Variants in KCNMB2 observed in about 807,000 individuals in gnomAD.
The protein encoded by KCNMB2 is potassium calcium-activated channel subfamily M regulatory beta subunit 2, also known as calcium-activated potassium channel subunit beta-2.
KCNMB2 carries 9 observed loss-of-function variants against 24.5 expected under a neutral mutation model. That is an observed-to-expected ratio of 0.37 (90% CI 0.22 to 0.64). The LOEUF (loss-of-function observed/expected upper bound fraction) is 0.64, where lower values mean the gene tolerates loss of function less well. KCNMB2 is among the 30% of genes least tolerant of loss of function. KCNMB2 has a pLI of 0.63. For synonymous variants in KCNMB2, 109 were observed against 104.4 expected, an observed-to-expected ratio of 1.04 and a Z score of -0.27; for missense variants, 226 against 284.3, an observed-to-expected ratio of 0.79 and a Z score of 1.47.
intron 4 of KCNMB2, among the ~76,000 whole-genome samples, chr3:178,835,317 T>C (rs1715186556): frequency 1.3e-5 from 2 of 152,124 alleles, no homozygotes; most frequent in Admixed American, 1.3e-4. Flanking sequence ...ATCAAGCAGA[T>C]ACTAGAAGTT....
At chr3:178,543,275 G>A (rs1250366054) in intron 1 of KCNMB2, among the ~76,000 whole-genome samples, 1 of 152,192 alleles carries the variant, frequency 6.6e-6, no homozygotes, top group African/African-American at 2.4e-5. Flanking sequence ...CAAAGAAAAT[G>A]TCTGCCTCTC....
chr3:178,713,013 A>G (rs577641719), intron 1 of KCNMB2, among the ~76,000 whole-genome samples: 4 of 152,194 alleles, frequency 2.6e-5, no homozygotes, highest in Non-Finnish European at 5.9e-5. Context: ...CGTCTTTAGT[A>G]TTCCTCTTGC....
chr3:178,562,357 C>A (rs778017109), intron 1 of KCNMB2, among the ~76,000 whole-genome samples: 3 of 152,176 alleles, frequency 2.0e-5, no homozygotes, highest in African/African-American at 7.2e-5. Context: ...GCCAAGACTG[C>A]GTAATTAAGG....
chr3:178,629,280 T>C (rs1393077849), intron 1 of KCNMB2, among the ~76,000 whole-genome samples: 1 of 152,200 alleles, frequency 6.6e-6, no homozygotes, highest in Non-Finnish European at 1.5e-5. Context: ...TTTGATTTGT[T>C]TATTATAAAT....
intron 1 of KCNMB2, among the ~76,000 whole-genome samples, chr3:178,665,784 T>A (rs1720696574): frequency 6.6e-6 from 1 of 152,160 alleles, no homozygotes; most frequent in South Asian, 2.1e-4. Context: ...TACTCACGAA[T>A]GTGTGAACAA....
intron 1 of KCNMB2, among the ~76,000 whole-genome samples, chr3:178,733,670 G>A (rs1364510952): frequency 6.6e-6 from 1 of 151,886 alleles, no homozygotes; most frequent in Non-Finnish European, 1.5e-5. Flanking sequence ...TAGGAGGGAT[G>A]GGGTTTCGCC....
At chr3:178,771,816 GATCTCATGGCCAGATCCCTTATTTATTT>G (rs1468434950) in intron 1 of KCNMB2, among the ~76,000 whole-genome samples, 1 of 151,942 alleles carries the variant, frequency 6.6e-6, no homozygotes. Flanking sequence ...CCTTACCCCT[GATCTCATGGCCAGATCCCTTATTTATTT>G]ATCTCATGGA....
intron 1 of KCNMB2, among the ~76,000 whole-genome samples, chr3:178,739,150 G>C (rs1723413783): frequency 6.7e-6 from 1 of 149,984 alleles, no homozygotes; most frequent in South Asian, 2.1e-4. Context: ...AGAGCATAAA[G>C]AGAGGATTCA....
intron 1 of KCNMB2, among the ~76,000 whole-genome samples, chr3:178,618,297 A>C (rs1234759249): frequency 6.6e-6 from 1 of 152,182 alleles, no homozygotes; most frequent in Non-Finnish European, 1.5e-5. Context: ...ATTGTCCTAA[A>C]TATTGGCATT....
At chr3:178,558,168 C>T (rs1452892938) in intron 1 of KCNMB2, among the ~76,000 whole-genome samples, 2 of 129,636 alleles carry the variant, frequency 1.5e-5, no homozygotes, top group Non-Finnish European at 3.6e-5. Context: ...GTGAAGTTTC[C>T]CATTTTAACC....
At chr3:178,804,726 A>G (rs1713898370) in intron 1 of KCNMB2, among the ~76,000 whole-genome samples, 1 of 152,224 alleles carries the variant, frequency 6.6e-6, no homozygotes, top group African/African-American at 2.4e-5. Context: ...TGTCTATTAA[A>G]TGCTGCCTAA....
In KCNMB2 at chr3:178,759,676, A is replaced by ATATATATG. The variant is rs1560009453; in HGVS notation, c.-67-47664_-67-47663insATATGTAT. On this transcript the variant is annotated intron_variant, in intron 1 of 4. Transcript: ENST00000452583. ...ATCTCCAAGAGGGATATATATATAT[A>ATATATATG]TATCCAAGAGGATATATATACACAT... is the stretch of plus-strand genomic sequence containing the variant. Among the ~76,000 whole-genome samples, 62 of 111,092 alleles carry ATATATATG rather than the reference A, an allele frequency of 5.6e-4. 4 individuals are homozygous for ATATATATG. Among genetic ancestry groups the ATATATATG allele is most frequent in the African/African-American group, 2.0e-3 (60 of 30,476 alleles). 72.9% of individuals were successfully genotyped at this position (111,092 alleles called of 152,430 possible). A position where few individuals can be genotyped will look rare whatever the true frequency, so the allele number is the denominator to read the frequency against.
At chr3:178,642,130 T>A (rs112864697) in intron 1 of KCNMB2, among the ~76,000 whole-genome samples, 3 of 152,158 alleles carry the variant, frequency 2.0e-5, no homozygotes, top group African/African-American at 7.2e-5. Flanking sequence ...ACAATTCAGA[T>A]AGAGATTTTG....
At chr3:178,652,668 T>G (rs2108561199) in intron 1 of KCNMB2, among the ~76,000 whole-genome samples, 1 of 151,170 alleles carries the variant, frequency 6.6e-6, no homozygotes, top group South Asian at 2.1e-4. Context: ...TATATACTTT[T>G]TTTTTTTTTT....
intron 1 of KCNMB2, among the ~76,000 whole-genome samples, chr3:178,696,423 C>T (rs1045388403): frequency 2.4e-4 from 37 of 152,174 alleles, no homozygotes; most frequent in African/African-American, 8.7e-4. Flanking sequence ...GTTTGTATTT[C>T]TGTGAGGTGA....
At chr3:178,565,657 G>A (rs1187159604) in intron 1 of KCNMB2, among the ~76,000 whole-genome samples, 1 of 152,150 alleles carries the variant, frequency 6.6e-6, no homozygotes, top group Non-Finnish European at 1.5e-5. Flanking sequence ...ACCCCCAGAA[G>A]ACATGGCTAG....
chr3:178,585,206 T>A (rs1320644271), intron 1 of KCNMB2, among the ~76,000 whole-genome samples: 3 of 152,214 alleles, frequency 2.0e-5, no homozygotes, highest in South Asian at 4.1e-4. Context: ...TTTTCAGACT[T>A]TGGCAGAACT....
At chr3:178,721,409 G>C (rs1253569272) in intron 1 of KCNMB2, among the ~76,000 whole-genome samples, 1 of 152,118 alleles carries the variant, frequency 6.6e-6, no homozygotes, top group African/African-American at 2.4e-5. Context: ...TGTATAGTTT[G>C]TTACTTTTTA....
intron 1 of KCNMB2, among the ~76,000 whole-genome samples, chr3:178,771,439 G>C (rs1712345814): frequency 6.7e-6 from 1 of 150,002 alleles, no homozygotes; most frequent in Admixed American, 6.6e-5. Context: ...TTGTGATCTG[G>C]CTTCCTGCTG....
Sources: allele counts gnomAD v4.1 joint callset (sites outside exome capture counted in the v4.1 genomes callset), GRCh38; gene constraint gnomAD v4.1.1; transcripts MANE v1.5; gene names NCBI Gene and HGNC (gene_info 2026-07-23, HGNC 2026-07-21).